DSCAML1: variants seen among roughly 807,000 people sequenced by gnomAD.
DSCAML1 encodes DS cell adhesion molecule like 1.
Under a neutral mutation model 200.5 loss-of-function variants are expected in DSCAML1, and 38 were observed. The observed-to-expected ratio is 0.19, with a 90% CI of 0.15 to 0.25. The LOEUF (loss-of-function observed/expected upper bound fraction) is 0.25. Ranked by LOEUF, DSCAML1 falls within the 10% of genes least tolerant of loss-of-function variation. The probability of loss-of-function intolerance (pLI) is 1.00; values close to 1 mark genes in which losing one functional copy is unlikely to be tolerated. For synonymous variants in DSCAML1, 1,215 were observed against 1,165.0 expected, an observed-to-expected ratio of 1.04 and a Z score of -0.87; for missense variants, 2,223 against 2,858.8, an observed-to-expected ratio of 0.78 and a Z score of 5.07.
At chr11:117,668,214 A>G (rs757823638) in intron 3 of DSCAML1, among the ~76,000 whole-genome samples, 1 of 152,252 alleles carries the variant, frequency 6.6e-6, no homozygotes, top group African/African-American at 2.4e-5. Context: ...CTCTGTCCTC[A>G]TAGGAGCTTA....
At chr11:117,457,571 T>C (rs1238636230) in intron 19 of DSCAML1, among the ~76,000 whole-genome samples, 3 of 152,054 alleles carry the variant, frequency 2.0e-5, no homozygotes, top group Non-Finnish European at 4.4e-5. Flanking sequence ...GATGGGAGGA[T>C]TAATGACAGG....
intron 21 of DSCAML1, among the ~76,000 whole-genome samples, chr11:117,443,280 G>A (rs2048106795): frequency 6.6e-6 from 1 of 152,206 alleles, no homozygotes. Context: ...ATGAGGCCTT[G>A]GAAGTGTCAT....
chr11:117,615,824 C>T (rs2051800029), intron 3 of DSCAML1, among the ~76,000 whole-genome samples: 1 of 152,092 alleles, frequency 6.6e-6, no homozygotes, highest in African/African-American at 2.4e-5. Context: ...CATCAGTGGC[C>T]CTTGGGTCTT....
At chr11:117,462,964 A>G (rs911024186) in intron 17 of DSCAML1, among the ~76,000 whole-genome samples, 1 of 152,206 alleles carries the variant, frequency 6.6e-6, no homozygotes, top group Admixed American at 6.5e-5. Flanking sequence ...GCCCCCCACG[A>G]GGCAAGGGAG....
At chr11:117,445,986 AATC>A (rs1374072063) in intron 20 of DSCAML1, among the ~76,000 whole-genome samples, 3 of 152,246 alleles carry the variant, frequency 2.0e-5, no homozygotes, top group Non-Finnish European at 4.4e-5. Flanking sequence ...CCATTTTTCT[AATC>A]ATAAAAATCA....
chr11:117,442,789 G>A (rs560707314), intron 21 of DSCAML1, among the ~76,000 whole-genome samples: 2 of 152,282 alleles, frequency 1.3e-5, no homozygotes, highest in Non-Finnish European at 2.9e-5. Flanking sequence ...GGGTTAGGGG[G>A]TGGTAGGAGG....
chr11:117,528,997 A>G (rs1428213009), intron 4 of DSCAML1, among the ~76,000 whole-genome samples: 2 of 151,130 alleles, frequency 1.3e-5, no homozygotes, highest in East Asian at 2.0e-4. Flanking sequence ...ACCACTGACA[A>G]TAATAGTAGC....
At position 117,790,095 on chromosome 11, in the gene DSCAML1, G is replaced by T. The variant is rs565440203; in HGVS notation, c.46+6939C>A. Among the ~76,000 whole-genome samples, 13 of 152,330 alleles carry T rather than the reference G, an allele frequency of 8.5e-5. No individual in the cohort carries two copies. The South Asian group carries it at 2.7e-3, about 32-fold the overall frequency. Reference sequence around the variant, plus strand: ...TCTCATACCCCACGACTGCGGGAGGGTCACCCTAGTAGCAGGGTGTCCACC... The same window carrying T: ...TCTCATACCCCACGACTGCGGGAGGTTCACCCTAGTAGCAGGGTGTCCACC... On this transcript the variant is annotated intron_variant, in intron 1 of 32. Coordinates refer to ENST00000651296, the MANE Select transcript of DSCAML1 (RefSeq NM_020693.4).
chr11:117,755,179 T>A (rs911620937), intron 3 of DSCAML1, among the ~76,000 whole-genome samples: 1 of 152,160 alleles, frequency 6.6e-6, no homozygotes, highest in African/African-American at 2.4e-5. Context: ...GTTTAATTCT[T>A]CCTTCTCTAT....
intron 3 of DSCAML1, chr11:117,612,076 ATC>A (rs2051706401): frequency 6.6e-6 from 1 of 152,256 alleles, no homozygotes; most frequent in Non-Finnish European, 1.5e-5. Context: ...TACCTTGTTC[ATC>A]TCTGCATGCC....
intron 3 of DSCAML1, among the ~76,000 whole-genome samples, chr11:117,668,062 TACA>T (rs1422104639): frequency 6.6e-6 from 1 of 152,268 alleles, no homozygotes; most frequent in Non-Finnish European, 1.5e-5. Context: ...CCTTTATTCC[TACA>T]ACAACCCTGG....
At chr11:117,814,480 C>A (rs1254445522) in intron 1 of DSCAML1, among the ~76,000 whole-genome samples, 2 of 152,226 alleles carry the variant, frequency 1.3e-5, no homozygotes, top group Admixed American at 6.5e-5. Context: ...CTTCCTTGCT[C>A]CTGGAGGCAT....
At position 117,780,828 on chromosome 11, in the gene DSCAML1, GGA is replaced by G. The variant is rs2055244157; in HGVS notation, c.47-20_47-19del. 7.1e-7 allele frequency: 1 copy of G among 1,410,994 alleles called. No homozygotes were observed. The highest frequency in any genetic ancestry group is 9.2e-7 in the Non-Finnish European group (1 of 1,084,802). 87.4% of individuals were successfully genotyped at this position (1,410,994 alleles called of 1,614,324 possible). A position where few individuals can be genotyped will look rare whatever the true frequency, so the allele number is the denominator to read the frequency against. On this transcript the variant is annotated intron_variant, in intron 1 of 32. Coordinates refer to ENST00000651296, the MANE Select transcript of DSCAML1 (RefSeq NM_020693.4). The surrounding 1 kb of genome is among the most constrained non-coding windows in gnomAD (Gnocchi z 4.8). ...AGGGCGGGCTGCAGGAGAGGCAAGG[GGA>G]GAGACTTGGTTAGCATGGGCTCTAA...
At chr11:117,554,099 T>C (rs903661927) in intron 3 of DSCAML1, among the ~76,000 whole-genome samples, 1 of 151,718 alleles carries the variant, frequency 6.6e-6, no homozygotes, top group African/African-American at 2.4e-5. Flanking sequence ...GTCCCTAGAG[T>C]AGTCCATTTC....
At chr11:117,515,255 C>T (rs532727943) in intron 8 of DSCAML1, among the ~76,000 whole-genome samples, 23 of 152,298 alleles carry the variant, frequency 1.5e-4, no homozygotes, top group Middle Eastern at 6.8e-3. Flanking sequence ...CCATCACAGC[C>T]GTGGCTGACT....
At chr11:117,778,021 T>C (rs138656785) in intron 2 of DSCAML1, among the ~76,000 whole-genome samples, 25 of 152,254 alleles carry the variant, frequency 1.6e-4, no homozygotes, top group African/African-American at 6.0e-4. Flanking sequence ...GGGTGACACT[T>C]AGGGCCCTGG....
intron 3 of DSCAML1, among the ~76,000 whole-genome samples, chr11:117,546,789 T>A (rs1209857225): frequency 6.6e-6 from 1 of 152,126 alleles, no homozygotes; most frequent in East Asian, 1.9e-4. Flanking sequence ...AATACAGCTC[T>A]ATCTTTCTCT....
chr11:117,628,885 G>A (rs1300172825), intron 3 of DSCAML1, among the ~76,000 whole-genome samples: 1 of 152,172 alleles, frequency 6.6e-6, no homozygotes, highest in Non-Finnish European at 1.5e-5. Context: ...TCTTGTCCAA[G>A]GTCACAGAGC....
intron 3 of DSCAML1, among the ~76,000 whole-genome samples, chr11:117,673,856 C>A (rs1301778733): frequency 6.6e-6 from 1 of 152,252 alleles, no homozygotes; most frequent in African/African-American, 2.4e-5. Flanking sequence ...ATTCCCCAAC[C>A]TTTTAGGCTG....
Sources: allele counts gnomAD v4.1 joint callset (sites outside exome capture counted in the v4.1 genomes callset), GRCh38; gene constraint gnomAD v4.1.1; non-coding constraint Gnocchi (gnomAD v3.1); transcripts MANE v1.5; gene names NCBI Gene and HGNC (gene_info 2026-07-23, HGNC 2026-07-21).